The following CNTLN variants were observed in gnomAD, a reference collection of about 807,000 sequenced individuals.
The protein encoded by CNTLN is centlein.
A neutral mutation model predicts 180.0 loss-of-function variants in CNTLN; 212 were observed. The observed-to-expected ratio is 1.18, with a 90% confidence interval of 1.05 to 1.32. The LOEUF is 1.32. CNTLN is among the 40% of genes most tolerant of loss of function. The probability of loss-of-function intolerance (pLI) is 0.00; values close to 1 mark genes in which losing one functional copy is unlikely to be tolerated. For synonymous variants in CNTLN, 722 were observed against 563.1 expected (o/e 1.28, Z -3.99); for missense variants, 2,095 against 1,610.9 (o/e 1.30, Z -5.14).
At chr9:17,261,559 A>G (rs1188932570) in intron 5 of CNTLN, among the ~76,000 whole-genome samples, 1 of 151,420 alleles carries the variant, frequency 6.6e-6, no homozygotes, top group Non-Finnish European at 1.5e-5. Flanking sequence ...TGTATTCCCT[A>G]GGAGACTTTT....
At chr9:17,449,351 T>G (rs1039061839) in intron 18 of CNTLN, among the ~76,000 whole-genome samples, 13 of 147,568 alleles carry the variant, frequency 8.8e-5, no homozygotes, top group African/African-American at 3.2e-4. Flanking sequence ...TTCCCACCTA[T>G]GAGTGAGAAC....
chr9:17,331,846 C>T (rs991070080), intron 9 of CNTLN, among the ~76,000 whole-genome samples: 2 of 151,790 alleles, frequency 1.3e-5, no homozygotes, highest in South Asian at 2.1e-4. Context: ...ACAGCATTAC[C>T]GGGCCTAATT....
At chr9:17,142,852 A>G (rs1003555607) in intron 1 of CNTLN, among the ~76,000 whole-genome samples, 2 of 152,228 alleles carry the variant, frequency 1.3e-5, no homozygotes, top group Non-Finnish European at 2.9e-5. Context: ...TTGGCAATAT[A>G]GAGGACCTTG....
At chr9:17,377,578 A>T (rs1198171634) in intron 13 of CNTLN, among the ~76,000 whole-genome samples, 1 of 152,214 alleles carries the variant, frequency 6.6e-6, no homozygotes, top group Non-Finnish European at 1.5e-5. Context: ...AACAAAAAAC[A>T]AAAAACAAGC....
intron 6 of CNTLN, among the ~76,000 whole-genome samples, chr9:17,284,750 A>G (rs1828876743): frequency 6.6e-6 from 1 of 151,032 alleles, no homozygotes; most frequent in Non-Finnish European, 1.5e-5. Context: ...TCATGTCTGT[A>G]TCTCCTTCAA....
At chr9:17,499,178 C>G (rs1198799383) in intron 25 of CNTLN, among the ~76,000 whole-genome samples, 6 of 152,110 alleles carry the variant, frequency 3.9e-5, no homozygotes, top group African/African-American at 7.2e-5. Flanking sequence ...AGTGTCAGTC[C>G]TAACTCTAAC....
intron 12 of CNTLN, among the ~76,000 whole-genome samples, 159 bp from the exon 13 acceptor site, chr9:17,366,457 GA>G (rs1823827345): frequency 6.6e-6 from 1 of 151,728 alleles, no homozygotes; most frequent in Non-Finnish European, 1.5e-5. Context: ...GAATATTATT[GA>G]TTTATTTTTG....
At chr9:17,355,379 C>A (rs953299127) in intron 12 of CNTLN, among the ~76,000 whole-genome samples, 1 of 152,160 alleles carries the variant, frequency 6.6e-6, no homozygotes, top group Non-Finnish European at 1.5e-5. Flanking sequence ...CCTCCCATTC[C>A]GTAGGCTATA....
At chr9:17,338,337 GTT>G (rs71331486) in intron 10 of CNTLN, among the ~76,000 whole-genome samples, 1 of 100,436 alleles carries the variant, frequency 1.0e-5, no homozygotes, top group Non-Finnish European at 1.8e-5. Context: ...GCTAATTTTT[GTT>G]TTTTTTTTTT....
chr9:17,427,545 C>CA (rs1449044189), intron 18 of CNTLN, among the ~76,000 whole-genome samples: 2 of 151,754 alleles, frequency 1.3e-5, no homozygotes, highest in Non-Finnish European at 2.9e-5. Context: ...TGGCTGTTTT[C>CA]TTTTTTTTCT....
the CNTLN span, among the ~76,000 whole-genome samples, chr9:17,514,290 A>G: frequency 6.6e-6 from 1 of 152,182 alleles, no homozygotes; most frequent in African/African-American, 2.4e-5. Flanking sequence ...AGCCTGAGAG[A>G]CAGAGCAAGA....
chr9:17,404,791 A>T (rs1227689845), intron 15 of CNTLN, among the ~76,000 whole-genome samples: 1 of 142,778 alleles, frequency 7.0e-6, no homozygotes, highest in Non-Finnish European at 1.5e-5. Context: ...AGGCTGGAGT[A>T]CAGTGGCGCG....
chr9:17,139,187 A>C (rs1395011047), intron 1 of CNTLN, among the ~76,000 whole-genome samples: 1 of 151,914 alleles, frequency 6.6e-6, no homozygotes, highest in Non-Finnish European at 1.5e-5. Flanking sequence ...TCCCTGGTTC[A>C]AGCTATTGTC....
chr9:17,394,518 A>T lies in CNTLN; in HGVS notation c.2080-16A>T. On this transcript the variant is annotated splice_polypyrimidine_tract_variant and intron_variant, in intron 14 of 25. Transcript: ENST00000380647. ...ATGGTTTTTGGATTCTTAAAAGAAT[A>T]AACTCTTTCCTTTAGGTCACTGAGT... 1 of 1,470,188 alleles carries T rather than the reference A, an allele frequency of 6.8e-7. No homozygotes were observed. The highest frequency in any genetic ancestry group is 9.2e-7 in the Non-Finnish European group (1 of 1,087,592). The allele number at this position is 1,470,188 out of a possible 1,614,324, so 91.1% of individuals were successfully genotyped here. A position where few individuals can be genotyped will look rare whatever the true frequency, so the allele number is the denominator to read the frequency against.
intron 2 of CNTLN, among the ~76,000 whole-genome samples, chr9:17,165,982 A>G (rs2034774796): frequency 6.6e-6 from 1 of 152,238 alleles, no homozygotes; most frequent in Non-Finnish European, 1.5e-5. Context: ...AAACTATCCA[A>G]CATCATTTTT....
chr9:17,306,553 A>G (rs998678802), intron 7 of CNTLN, among the ~76,000 whole-genome samples: 2 of 152,202 alleles, frequency 1.3e-5, no homozygotes. Context: ...TATTTGTGGA[A>G]GAAGGTCCCA....
At chr9:17,510,582 A>C in the CNTLN span, among the ~76,000 whole-genome samples, 6 of 152,206 alleles carry the variant, frequency 3.9e-5, no homozygotes, top group Non-Finnish European at 8.8e-5. Flanking sequence ...GTTGAGTACA[A>C]GAAAAAGACT....
At chr9:17,505,713 A>G (rs775651097), downstream of CNTLN, among the ~76,000 whole-genome samples, 4 of 152,162 alleles carry the variant, frequency 2.6e-5, no homozygotes, top group Non-Finnish European at 4.4e-5. Context: ...CTCCAAATTT[A>G]TATAGAGATT....
Position 17,475,486 on chromosome 9 carries a change from C to T in CNTLN, c.3855+8595C>T, listed in dbSNP as rs764458611. 3.3e-4 allele frequency among the ~76,000 whole-genome samples: 49 copies of T among 146,306 alleles called. 1 individual carries two copies. Among genetic ancestry groups the T allele is most frequent in the Middle Eastern group, 3.5e-3 (1 of 288 alleles). On this transcript the variant is annotated intron_variant, in intron 23 of 25. Transcript: ENST00000380647. The stretch of plus-strand genomic sequence containing the variant: ...AATAAAGAAAGCTCCATCAATCTAA[C>T]ACAAGCCGGGAAATAAAAAAGAGGG...
Sources: gnomAD v4.1 joint callset for allele counts (sites outside exome capture counted in the v4.1 genomes callset) on GRCh38, gnomAD v4.1.1 for gene constraint, MANE v1.5 for transcripts, NCBI Gene and HGNC (gene_info 2026-07-23, HGNC 2026-07-21) for gene names.